The following THADA variants were observed in gnomAD, a reference collection of about 807,000 sequenced individuals.
THADA encodes tRNA (32-2'-O)-methyltransferase regulator THADA.
A neutral mutation model predicts 219.8 loss-of-function variants in THADA; 213 were observed. The observed-to-expected ratio is 0.97, with a 90% CI of 0.87 to 1.09. THADA has a LOEUF of 1.09. Ranked by LOEUF, THADA falls within the 50% of genes least tolerant of loss-of-function variation. The pLI is 0.00. For synonymous variants in THADA, 1,018 were observed against 828.9 expected, an observed-to-expected ratio of 1.23 and a Z score of -3.92; for missense variants, 2,956 against 2,311.3, an observed-to-expected ratio of 1.28 and a Z score of -5.72.
At chr2:43,340,859 G>T (rs1170887731) in intron 30 of THADA, among the ~76,000 whole-genome samples, 1 of 152,098 alleles carries the variant, frequency 6.6e-6, no homozygotes, top group Non-Finnish European at 1.5e-5. Context: ...GACGAGAGGG[G>T]GTGTGTCTGA....
At chr2:43,388,039 G>A (rs1371327765) in intron 29 of THADA, among the ~76,000 whole-genome samples, 7 of 152,166 alleles carry the variant, frequency 4.6e-5, no homozygotes, top group South Asian at 2.1e-4. Flanking sequence ...ACTCAAATAC[G>A]TTGGGTGCCA....
At chr2:43,463,488 T>C (rs1321099991) in intron 26 of THADA, among the ~76,000 whole-genome samples, 4 of 152,250 alleles carry the variant, frequency 2.6e-5, no homozygotes, top group South Asian at 2.1e-4. Flanking sequence ...CAAGAATGTT[T>C]GTTCTAGCTG....
At chr2:43,562,032 G>A (rs1237993482) in intron 15 of THADA, among the ~76,000 whole-genome samples, 1 of 152,056 alleles carries the variant, frequency 6.6e-6, no homozygotes, top group Non-Finnish European at 1.5e-5. Flanking sequence ...TCATTTTAAT[G>A]TGGTGTATTA....
chr2:43,589,457 A>G (rs1437723764), intron 4 of THADA, among the ~76,000 whole-genome samples: 1 of 152,238 alleles, frequency 6.6e-6, no homozygotes, highest in East Asian at 1.9e-4. Context: ...AGGGCTGAGC[A>G]GGAAATGGAG....
chr2:43,578,453 AT>A (rs1331134540), intron 9 of THADA, 59 bp downstream of exon 9: 2 of 1,435,196 alleles, frequency 1.4e-6, no homozygotes, highest in Non-Finnish European at 1.9e-6. Context: ...AGCCAAAATT[AT>A]TTTTTAAACA....
At chr2:43,438,991 T>C (rs1680507408) in intron 26 of THADA, among the ~76,000 whole-genome samples, 1 of 152,232 alleles carries the variant, frequency 6.6e-6, no homozygotes. Context: ...TCATGTGAGA[T>C]AAATTGCCTA....
At chr2:43,429,107 G>GTT (rs1207625930) in intron 27 of THADA, among the ~76,000 whole-genome samples, 1 of 146,330 alleles carries the variant, frequency 6.8e-6, no homozygotes, top group African/African-American at 2.5e-5. Context: ...ATGTGTGTGT[G>GTT]TTTTTTTTTT....
chr2:43,409,802 T>C (rs1472868957), intron 28 of THADA, among the ~76,000 whole-genome samples: 1 of 151,992 alleles, frequency 6.6e-6, no homozygotes, highest in Non-Finnish European at 1.5e-5. Flanking sequence ...GCAGGATTGC[T>C]TGGGGCCAGG....
intron 22 of THADA, among the ~76,000 whole-genome samples, chr2:43,515,884 C>A (rs185397153): frequency 3.9e-5 from 6 of 152,250 alleles, no homozygotes; most frequent in Non-Finnish European, 5.9e-5. Flanking sequence ...GGGGTGTCTA[C>A]TAGACATGCC....
intron 25 of THADA, among the ~76,000 whole-genome samples, chr2:43,488,050 G>C (rs1325285663): frequency 6.6e-6 from 1 of 151,852 alleles, no homozygotes; most frequent in Non-Finnish European, 1.5e-5. Context: ...TCTGCTATTT[G>C]GTTACCCTGT....
At chr2:43,349,750 C>T (rs1467518361) in intron 29 of THADA, among the ~76,000 whole-genome samples, 2 of 152,116 alleles carry the variant, frequency 1.3e-5, no homozygotes, top group Non-Finnish European at 2.9e-5. Flanking sequence ...GGAAATGTAT[C>T]GTAATCATTA....
At chr2:43,415,867 G>A (rs1676889428) in intron 28 of THADA, among the ~76,000 whole-genome samples, 2 of 151,454 alleles carry the variant, frequency 1.3e-5, no homozygotes, top group Admixed American at 6.6e-5. Flanking sequence ...GTTCAACCAC[G>A]CAGCAGAATG....
At chr2:43,397,855 T>A in intron 29 of THADA, 116 bp downstream of exon 29, 6 of 1,084,614 alleles carry the variant, frequency 5.5e-6, no homozygotes, top group South Asian at 1.8e-5. Flanking sequence ...AAAAAAAAAG[T>A]TCTACAGATA....
intron 26 of THADA, among the ~76,000 whole-genome samples, chr2:43,465,940 A>C (rs1684176634): frequency 6.6e-6 from 1 of 152,188 alleles, no homozygotes; most frequent in African/African-American, 2.4e-5. Context: ...CATGAGCCCC[A>C]GAATCTGTCC....
At chr2:43,524,756 T>C (rs1420733985) in intron 22 of THADA, among the ~76,000 whole-genome samples, 1 of 152,056 alleles carries the variant, frequency 6.6e-6, no homozygotes, top group Non-Finnish European at 1.5e-5. Context: ...TCCTAACAGG[T>C]TGGTTAAAAG....
At position 43,452,855 on chromosome 2, in the gene THADA, G is replaced by C. The variant is rs567416498; in HGVS notation, c.3837-22553C>G. On this transcript the variant is annotated intron_variant, in intron 26 of 37. Transcript: ENST00000405975. ...TTCCATTGGGTCCAATAAGTCTCCTGTCTCTCCTGTATTCAAATTAAGAGA... is the reference window on the plus strand; with the variant it reads ...TTCCATTGGGTCCAATAAGTCTCCTCTCTCTCCTGTATTCAAATTAAGAGA... 6.6e-5 allele frequency among the ~76,000 whole-genome samples: 10 copies of C among 152,298 alleles called. No individual in the cohort carries two copies. In the South Asian group the frequency reaches 2.1e-3, roughly 32 times the overall value.
chr2:43,239,685 T>C (rs576273199), intron 36 of THADA, among the ~76,000 whole-genome samples: 50 of 152,328 alleles, frequency 3.3e-4, no homozygotes, highest in Admixed American at 1.4e-3. Context: ...TTCTAGTCCT[T>C]CTCAAGAGAG....
Position 43,279,776 on chromosome 2 carries a change from C to G in THADA, c.5285G>C (p.Cys1762Ser). The change falls in exon 36 of 38, where the codon TGC becomes TCC. Residue 1762 changes from cysteine to serine, a missense_variant. Coordinates refer to ENST00000405975, the MANE Select transcript of THADA (RefSeq NM_022065.5). Reference sequence around the variant, plus strand: ...TAAGAACGAGGTACCTGTTGACTGGCAGGTATTTTCTTGTGACATGGCAGT... The same window carrying G: ...TAAGAACGAGGTACCTGTTGACTGGGAGGTATTTTCTTGTGACATGGCAGT... ...VTTAMSQENT[C>S]QSTEFAFCQV... 1 of 1,548,830 alleles carries G rather than the reference C, an allele frequency of 6.5e-7. No individual in the cohort carries two copies. Among genetic ancestry groups the G allele is most frequent in the Non-Finnish European group, 8.7e-7 (1 of 1,146,110 alleles).
chr2:43,319,431 T>C (rs1281837419), intron 31 of THADA, among the ~76,000 whole-genome samples: 1 of 152,164 alleles, frequency 6.6e-6, no homozygotes, highest in Non-Finnish European at 1.5e-5. Flanking sequence ...GTCTAGCACG[T>C]TCTTATTACC....
Sources: allele counts gnomAD v4.1 joint callset (sites outside exome capture counted in the v4.1 genomes callset), GRCh38; gene constraint gnomAD v4.1.1; transcripts MANE v1.5; gene names NCBI Gene and HGNC (gene_info 2026-07-23, HGNC 2026-07-21).